PPP3CC: variants seen among roughly 807,000 people sequenced by gnomAD.
PPP3CC encodes protein phosphatase 3 catalytic subunit gamma.
Under a neutral mutation model 60.3 loss-of-function variants are expected in PPP3CC, and 35 were observed. The ratio of observed to expected loss-of-function variants is 0.58; its 90% CI spans 0.44 to 0.77. The LOEUF is 0.77. Among genes scored for constraint, PPP3CC ranks in the 30% least tolerant of loss-of-function variants. The probability of loss-of-function intolerance (pLI) is 0.00; values close to 1 mark genes in which losing one functional copy is unlikely to be tolerated. For missense variants in PPP3CC, 570 were observed against 628.9 expected, an observed-to-expected ratio of 0.91 and a Z score of 1.00; for synonymous variants, 206 against 224.3, an observed-to-expected ratio of 0.92 and a Z score of 0.73.
chr8:22,471,048 T>G (rs1837706358), intron 1 of PPP3CC, among the ~76,000 whole-genome samples: 1 of 152,228 alleles, frequency 6.6e-6, no homozygotes, highest in African/African-American at 2.4e-5. Context: ...AGCATGTAGC[T>G]ACCTGTGTTT....
At chr8:22,493,427 T>C (rs969481097) in intron 3 of PPP3CC, among the ~76,000 whole-genome samples, 1 of 152,096 alleles carries the variant, frequency 6.6e-6, no homozygotes, top group African/African-American at 2.4e-5. Context: ...TCTTTTGTAA[T>C]ACCACTTAGC....
At chr8:22,497,276 G>T (rs554077124) in intron 3 of PPP3CC, among the ~76,000 whole-genome samples, 1 of 151,822 alleles carries the variant, frequency 6.6e-6, no homozygotes, top group African/African-American at 2.4e-5. Context: ...TGATCTGCCC[G>T]CCTTGGCCTC....
intron 3 of PPP3CC, among the ~76,000 whole-genome samples, chr8:22,481,372 T>TAAA (rs1292241662): frequency 6.9e-6 from 1 of 145,974 alleles, no homozygotes; most frequent in Non-Finnish European, 1.5e-5. Context: ...ATAATAATAA[T>TAAA]AATAATAATG....
intron 3 of PPP3CC, among the ~76,000 whole-genome samples, chr8:22,478,778 G>A (rs1837975483): frequency 6.6e-6 from 1 of 152,182 alleles, no homozygotes; most frequent in Non-Finnish European, 1.5e-5. Context: ...AATATAAAAT[G>A]TGCTTCTTGA....
At chr8:22,518,213 C>T (rs553321728) in intron 6 of PPP3CC, among the ~76,000 whole-genome samples, 5 of 152,142 alleles carry the variant, frequency 3.3e-5, no homozygotes, top group South Asian at 2.1e-4. Flanking sequence ...CAGGATGTAC[C>T]GCCATGCCCA....
intron 8 of PPP3CC, among the ~76,000 whole-genome samples, chr8:22,524,595 G>T (rs893995360): frequency 1.2e-4 from 19 of 152,234 alleles, no homozygotes; most frequent in African/African-American, 4.6e-4. Flanking sequence ...CAATGGTGTG[G>T]ACTGTTTGTG....
At position 22,441,430 on chromosome 8, in the gene PPP3CC, C is replaced by G. The variant is rs1478627773; in HGVS notation, c.21C>G (p.His7Gln). The change falls in exon 1 of 14, where the codon CAC becomes CAG. Residue 7 changes from histidine (H) to glutamine (Q), a missense_variant. Physicochemically the swap from His to Gln is conservative, Grantham distance 24 (BLOSUM62 0). Coordinates refer to ENST00000240139, the MANE Select transcript of PPP3CC (RefSeq NM_005605.5). Reference sequence around the variant, plus strand: ...GGACCATGTCCGGGAGGCGCTTCCACCTCTCCACCACCGACCGCGTCATCA... The same window carrying G: ...GGACCATGTCCGGGAGGCGCTTCCAGCTCTCCACCACCGACCGCGTCATCA... MSGRRFHLSTTDRVIKA... is the reference protein window; with the variant it reads MSGRRFQLSTTDRVIKA... 6.5e-7 allele frequency: 1 copy of G among 1,547,048 alleles called. No homozygotes were observed. Among genetic ancestry groups the G allele is most frequent in the East Asian group, 2.5e-5 (1 of 40,746 alleles).
intron 1 of PPP3CC, among the ~76,000 whole-genome samples, chr8:22,451,487 A>G (rs540312855): frequency 6.6e-6 from 1 of 152,224 alleles, no homozygotes; most frequent in African/African-American, 2.4e-5. Flanking sequence ...AAAATCTGAC[A>G]TTCTCCAAAA....
At chr8:22,457,151 C>T (rs967434798) in intron 1 of PPP3CC, among the ~76,000 whole-genome samples, 8 of 147,824 alleles carry the variant, frequency 5.4e-5, no homozygotes, top group Non-Finnish European at 8.9e-5. Context: ...TGAAATATTT[C>T]GTTAAAAATA....
At chr8:22,457,744 G>A (rs1431727827) in intron 1 of PPP3CC, among the ~76,000 whole-genome samples, 4 of 152,140 alleles carry the variant, frequency 2.6e-5, no homozygotes, top group Admixed American at 6.5e-5. Flanking sequence ...TGTTTTATGC[G>A]AATTCTACTC....
intron 4 of PPP3CC, among the ~76,000 whole-genome samples, chr8:22,501,721 T>G (rs1838767857): frequency 6.6e-6 from 1 of 152,172 alleles, no homozygotes; most frequent in South Asian, 2.1e-4. Flanking sequence ...TTTAAAAGGC[T>G]CACCTTAGGT....
At chr8:22,511,354 A>G (rs1202516506) in intron 5 of PPP3CC, 123 bp downstream of exon 5, 7 of 1,082,768 alleles carry the variant, frequency 6.5e-6, no homozygotes, top group Admixed American at 2.5e-5. Context: ...CAGTGGTGCT[A>G]TCTCAGCTCA....
chr8:22,489,720 TTATATATTATATATATAATAAG>T (rs1456052845), intron 3 of PPP3CC, among the ~76,000 whole-genome samples: 1 of 140,948 alleles, frequency 7.1e-6, no homozygotes, highest in African/African-American at 2.6e-5. Flanking sequence ...TAAGTATATA[TTATATATTATATATATAATAAG>T]TATATATTAT....
At chr8:22,452,089 G>A (rs1338208140) in intron 1 of PPP3CC, among the ~76,000 whole-genome samples, 1 of 150,464 alleles carries the variant, frequency 6.6e-6, no homozygotes, top group Admixed American at 6.7e-5. Flanking sequence ...GCAGTAATGC[G>A]ATCAATGCTC....
intron 12 of PPP3CC, among the ~76,000 whole-genome samples, chr8:22,538,884 T>G (rs1839900991): frequency 6.6e-6 from 1 of 152,246 alleles, no homozygotes; most frequent in Non-Finnish European, 1.5e-5. Context: ...TCTATGCTTT[T>G]GTTAGCTTTG....
chr8:22,539,191 T>C (rs1265654570), intron 12 of PPP3CC, among the ~76,000 whole-genome samples: 2 of 152,206 alleles, frequency 1.3e-5, no homozygotes, highest in East Asian at 1.9e-4. Context: ...TATCAAGATA[T>C]AAAGTAGCAG....
At chr8:22,512,697 A>G (rs1249855601) in intron 5 of PPP3CC, among the ~76,000 whole-genome samples, 2 of 152,218 alleles carry the variant, frequency 1.3e-5, no homozygotes, top group Non-Finnish European at 2.9e-5. Flanking sequence ...TTGATTTCAC[A>G]TTTGAATTAA....
At chr8:22,464,404 G>C (rs990528525) in intron 1 of PPP3CC, among the ~76,000 whole-genome samples, 16 of 152,116 alleles carry the variant, frequency 1.1e-4, no homozygotes, top group African/African-American at 3.1e-4. Flanking sequence ...TTTAGAGACA[G>C]GGTCTCGCTC....
intron 1 of PPP3CC, among the ~76,000 whole-genome samples, chr8:22,471,277 ATTC>A (rs1837712123): frequency 7.1e-6 from 1 of 141,394 alleles, no homozygotes; most frequent in African/African-American, 2.6e-5. Context: ...CTCCTTGATC[ATTC>A]TTTTTTTTTT....
Sources: allele counts gnomAD v4.1 joint callset (sites outside exome capture counted in the v4.1 genomes callset), GRCh38; gene constraint gnomAD v4.1.1; transcripts MANE v1.5; gene names NCBI Gene and HGNC (gene_info 2026-07-23, HGNC 2026-07-21).